SYNE2: variants seen among roughly 807,000 people sequenced by gnomAD.
The protein encoded by SYNE2 is spectrin repeat containing nuclear envelope protein 2, also known as nesprin-2.
Under a neutral mutation model 856.3 loss-of-function variants are expected in SYNE2, and 431 were observed. The ratio of observed to expected loss-of-function variants is 0.50; its 90% CI spans 0.47 to 0.55. The LOEUF is 0.55. SYNE2 is among the 20% of genes least tolerant of loss of function. SYNE2 has a pLI of 0.00. For synonymous variants in SYNE2, 2,923 were observed against 2,872.3 expected (o/e 1.02, Z -0.56); for missense variants, 8,129 against 8,023.2 (o/e 1.01, Z -0.50).
intron 1 of SYNE2, among the ~76,000 whole-genome samples, chr14:63,863,951 A>G (rs1425283797): frequency 6.6e-6 from 1 of 152,022 alleles, no homozygotes; most frequent in Non-Finnish European, 1.5e-5. Context: ...CCTCCTGAAT[A>G]GCTGGGATTA....
intron 99 of SYNE2, chr14:64,202,297 A>G: frequency 2.8e-6 from 2 of 702,282 alleles, no homozygotes; most frequent in Non-Finnish European, 5.2e-6. Flanking sequence ...CTGCTTACTC[A>G]GAGAGGAGGG....
At chr14:64,108,299 C>T (rs1241150011) in intron 65 of SYNE2, among the ~76,000 whole-genome samples, 3 of 152,124 alleles carry the variant, frequency 2.0e-5, no homozygotes, top group African/African-American at 7.2e-5. Flanking sequence ...TTTCAGTGAG[C>T]CAAGATTGCG....
intron 1 of SYNE2, among the ~76,000 whole-genome samples, chr14:63,869,514 C>G (rs528911685): frequency 6.6e-6 from 1 of 150,904 alleles, no homozygotes; most frequent in Non-Finnish European, 1.5e-5. Context: ...CCCAGCTACT[C>G]GGGAGGCTGA....
At chr14:63,936,414 T>TG (rs975663844) in intron 2 of SYNE2, among the ~76,000 whole-genome samples, 2 of 151,732 alleles carry the variant, frequency 1.3e-5, no homozygotes, top group African/African-American at 4.8e-5. Context: ...GATCGGGAGT[T>TG]GGGGGTGTTA....
rs1413126059 is a variant in SYNE2 at position 64,074,045 on chromosome 14, T to G, written c.10775T>G (p.Ile3592Arg). ...IQERHSFTKE[I>R]IALKNFFQQT... is the part of the protein sequence containing the mutation. ...GAAAGACATTCCTTCACAAAAGAGA[T>G]AATTGCTTTGAAGAATTTCTTTCAA... The change falls in exon 53 of 116, where the codon ATA becomes AGA. Residue 3592 changes from isoleucine to arginine, a missense_variant. Transcript: ENST00000555002. The G allele has an allele frequency of 6.2e-7, 1 of 1,614,210 alleles. No homozygotes were observed. The highest frequency in any genetic ancestry group is 8.5e-7 in the Non-Finnish European group (1 of 1,179,994).
intron 30 of SYNE2, 35 bp downstream of exon 30, chr14:64,003,365 C>CT (rs751796062): frequency 6.2e-7 from 1 of 1,613,328 alleles, no homozygotes; most frequent in Non-Finnish European, 8.5e-7. Context: ...TCCAAGGTGA[C>CT]TGACATCTTT....
At chr14:64,044,600 G>A (rs944666353) in intron 45 of SYNE2, among the ~76,000 whole-genome samples, 5 of 152,166 alleles carry the variant, frequency 3.3e-5, no homozygotes, top group Non-Finnish European at 7.4e-5. Context: ...ATCTCATCTT[G>A]AATTGTAACT....
Position 64,119,291 on chromosome 14 carries a change from C to T in SYNE2, c.12841-136C>T, listed in dbSNP as rs549923039. The T allele has an allele frequency of 2.3e-4, 263 of 1,144,206 alleles. 1 individual carries two copies. The African/African-American group carries it at 3.6e-3, about 15-fold the overall frequency. 70.9% of individuals were successfully genotyped at this position (1,144,206 alleles called of 1,614,324 possible). A position where few individuals can be genotyped will look rare whatever the true frequency, so the allele number is the denominator to read the frequency against. ...GAATTCTGTGGAAGTTTTTGTTTTT[C>T]CAGGGTTTCTTCCATCCTGTGTTTC... is the stretch of plus-strand genomic sequence containing the variant. On this transcript the variant is annotated intron_variant, in intron 66 of 115. Coordinates refer to ENST00000555002, the MANE Select transcript of SYNE2 (RefSeq NM_182914.3).
chr14:64,081,331 A>G (rs753912578), intron 56 of SYNE2, 112 bp from the exon 57 acceptor site: 13 of 1,354,198 alleles, frequency 9.6e-6, no homozygotes, highest in Non-Finnish European at 1.3e-5. Context: ...GGGAGCAGAC[A>G]TCTGCAAGGC....
intron 63 of SYNE2, 65 bp from the exon 64 acceptor site, chr14:64,101,867 T>C: frequency 4.9e-6 from 6 of 1,212,318 alleles, no homozygotes; most frequent in Non-Finnish European, 7.3e-6. Context: ...CGTGAGTGAG[T>C]AGGGCACCGG....
In SYNE2 at chr14:64,020,014, A is replaced by C; in HGVS notation, c.5072A>C (p.Gln1691Pro). The change falls in exon 35 of 116, where the codon CAA becomes CCA. Residue 1691 changes from glutamine (Q) to proline (P), a missense_variant. Around this residue, in one of 3 missense-constraint regions of SYNE2, gnomAD observed 2,422 missense variants for 2,357.4 expected, o/e 1.03. Transcript: ENST00000555002. ...RLKEELQVHE[Q>P]KTSEFSRRVA... The stretch of plus-strand genomic sequence containing the variant: ...TAGGAAGAATTACAAGTCCATGAAC[A>C]AAAAACTTCAGAATTTTCTAGAAGA... 1 of 1,613,492 alleles carries C rather than the reference A, an allele frequency of 6.2e-7. No homozygotes were observed. The highest frequency in any genetic ancestry group is 1.1e-5 in the South Asian group (1 of 91,072).
intron 1 of SYNE2, among the ~76,000 whole-genome samples, chr14:63,827,450 C>A (rs1889478199): frequency 6.6e-6 from 1 of 151,170 alleles, no homozygotes; most frequent in East Asian, 1.9e-4. Flanking sequence ...CACAGAGAAA[C>A]CCTGTCTCTA....
At chr14:64,164,154 G>A (rs1356228201) in intron 89 of SYNE2, among the ~76,000 whole-genome samples, 1 of 151,220 alleles carries the variant, frequency 6.6e-6, no homozygotes, top group Non-Finnish European at 1.5e-5. Flanking sequence ...CTGTCGCCCA[G>A]GCTGGAGTAC....
At chr14:64,182,995 G>T (rs753117474) in intron 96 of SYNE2, among the ~76,000 whole-genome samples, 1 of 134,794 alleles carries the variant, frequency 7.4e-6, no homozygotes, top group Admixed American at 7.1e-5. Context: ...CCTCCCGGAC[G>T]GGGCGACTGG....
chr14:63,766,407 T>C (rs948337023), intron 1 of SYNE2, among the ~76,000 whole-genome samples: 2 of 152,178 alleles, frequency 1.3e-5, no homozygotes, highest in Non-Finnish European at 1.5e-5. Context: ...TCCAGGAGTA[T>C]GTATAATGCT....
chr14:63,823,825 CAG>C (rs1462855518), intron 1 of SYNE2, among the ~76,000 whole-genome samples: 4 of 151,980 alleles, frequency 2.6e-5, no homozygotes, highest in Non-Finnish European at 5.9e-5. Context: ...TTTGTAGAAA[CAG>C]AGTCTCCCTA....
At chr14:64,170,124 T>C (rs1329600498) in intron 93 of SYNE2, 104 bp from the exon 94 acceptor site, 1 of 1,112,120 alleles carries the variant, frequency 9.0e-7, no homozygotes, top group Non-Finnish European at 1.3e-6. Flanking sequence ...TTTTTTCATG[T>C]AAATTGTACT....
chr14:64,026,292 G>A (rs1273749498), intron 41 of SYNE2, among the ~76,000 whole-genome samples: 2 of 152,178 alleles, frequency 1.3e-5, no homozygotes, highest in Non-Finnish European at 2.9e-5. Context: ...AAATAATAGA[G>A]TGGATAGGAA....
intron 1 of SYNE2, among the ~76,000 whole-genome samples, chr14:63,810,775 G>A (rs1198889953): frequency 6.6e-6 from 1 of 152,176 alleles, no homozygotes; most frequent in Non-Finnish European, 1.5e-5. Context: ...TTTGTAAACG[G>A]AATTGAAATA....
Sources: gnomAD v4.1 joint callset for allele counts (sites outside exome capture counted in the v4.1 genomes callset) on GRCh38, gnomAD v4.1.1 for gene constraint, gnomAD v4.1.1 regional missense constraint, MANE v1.5 for transcripts, NCBI Gene and HGNC (gene_info 2026-07-23, HGNC 2026-07-21) for gene names.